Variants in NRAP observed in about 807,000 individuals in gnomAD.
NRAP encodes nebulin related anchoring protein.
Under a neutral mutation model 225.9 loss-of-function variants are expected in NRAP, and 189 were observed. The observed-to-expected ratio is 0.84, with a 90% CI of 0.74 to 0.94. NRAP has a LOEUF of 0.94. NRAP is among the 40% of genes least tolerant of loss of function. The pLI is 0.00. For synonymous variants in NRAP, 769 were observed against 790.7 expected, an observed-to-expected ratio of 0.97 and a Z score of 0.46; for missense variants, 2,176 against 2,168.7, an observed-to-expected ratio of 1.00 and a Z score of -0.07.
chr10:113,662,737 C>G lies in NRAP; in HGVS notation c.197G>C (p.Ser66Thr). The G allele has an allele frequency of 6.2e-7, 1 of 1,600,080 alleles. No individual in the cohort carries two copies. The highest frequency in any genetic ancestry group is 8.6e-7 in the Non-Finnish European group (1 of 1,167,736). Residue 66 changes from serine (S) to threonine (T), a missense_variant, in exon 3 of 42, where the codon AGT becomes ACT. This residue lies in a region of NRAP where 1,708 missense variants were observed against 1,695.5 expected (regional missense o/e 1.01). Coordinates refer to ENST00000359988, the MANE Select transcript of NRAP (RefSeq NM_198060.4). Reference protein sequence around the residue: ...AHNPKNNTFTSVYHTPLNLNV... With the variant: ...AHNPKNNTFTTVYHTPLNLNV... ...TAGATTTAATGGAGTGTGATAGACA[C>G]TGGTGAAAGTGTTGTTCTTAGGGTT... is the stretch of plus-strand genomic sequence containing the variant.
intron 11 of NRAP, among the ~76,000 whole-genome samples, chr10:113,643,573 C>T (rs1849332814): frequency 6.6e-6 from 1 of 152,202 alleles, no homozygotes; most frequent in South Asian, 2.1e-4. Context: ...TGAGACCACT[C>T]AGATGCAGAG....
chr10:113,591,603 C>T (rs151245115), intron 39 of NRAP, among the ~76,000 whole-genome samples: 8 of 152,350 alleles, frequency 5.3e-5, no homozygotes, highest in African/African-American at 1.4e-4. Context: ...GGTGCGCCTC[C>T]GTCTAGCACT....
chr10:113,590,717 T>C lies in NRAP; in HGVS notation c.4817A>G (p.Gln1606Arg), dbSNP rs747142470. 5.0e-6 allele frequency: 8 copies of C among 1,614,240 alleles called. No individual in the cohort carries two copies. Among genetic ancestry groups the C allele is most frequent in the Non-Finnish European group, 6.8e-6 (8 of 1,180,040 alleles). ...CCTCTTGGCCTGAAGGAGGCCGGGC[T>C]GGTCTGTGCTGCTGTGAAACTGGGA... ...SRSQFHSSTD[Q>R]PGLLQAKRSQ... The change falls in exon 40 of 42, where the codon CAG (glutamine) becomes CGG (arginine). Residue 1606 changes from glutamine (Q) to arginine (R), a missense_variant. Physicochemically the swap from Gln to Arg is conservative, Grantham distance 43 (BLOSUM62 1). This residue lies in a region of NRAP where 445 missense variants were observed against 426.1 expected (regional missense o/e 1.04). Transcript: ENST00000359988.
intron 4 of NRAP, among the ~76,000 whole-genome samples, chr10:113,656,464 C>G (rs537416158): frequency 6.6e-5 from 10 of 152,074 alleles, no homozygotes; most frequent in Admixed American, 2.6e-4. Context: ...CTGAGGCTGT[C>G]GTGGGTGTGT....
intron 20 of NRAP, 44 bp from the exon 21 acceptor site, chr10:113,626,189 G>A: frequency 1.5e-6 from 2 of 1,369,870 alleles, no homozygotes; most frequent in Non-Finnish European, 2.0e-6. Flanking sequence ...GGATTGGGTT[G>A]CCCCTACCAC....
intron 35 of NRAP, among the ~76,000 whole-genome samples, chr10:113,601,818 A>G (rs1456254693): frequency 6.6e-6 from 1 of 151,714 alleles, no homozygotes; most frequent in Non-Finnish European, 1.5e-5. Flanking sequence ...TTTAAAAGCC[A>G]TTTTCCCAAG....
chr10:113,595,763 T>C (rs1459842646), intron 37 of NRAP, 36 bp from the exon 38 acceptor site: 2 of 1,421,298 alleles, frequency 1.4e-6, no homozygotes, highest in Middle Eastern at 1.8e-4. Flanking sequence ...AATAGAGAAC[T>C]GTGTGGGCTG....
At chr10:113,605,003 G>C in intron 34 of NRAP, 83 bp from the exon 35 acceptor site, 4 of 1,477,764 alleles carry the variant, frequency 2.7e-6, no homozygotes, top group Non-Finnish European at 3.7e-6. Flanking sequence ...CTTACACTAG[G>C]AGGTGATGAT....
At chr10:113,631,816 C>A (rs1266537392) in intron 17 of NRAP, 41 bp downstream of exon 17, 4 of 1,263,436 alleles carry the variant, frequency 3.2e-6, no homozygotes, top group South Asian at 1.2e-5. Flanking sequence ...TTTATTGGAA[C>A]CATTTCTTAT....
intron 31 of NRAP, 54 bp downstream of exon 31, chr10:113,610,405 T>C: frequency 1.2e-6 from 1 of 844,494 alleles, no homozygotes; most frequent in African/African-American, 1.7e-5. Flanking sequence ...AACAAACTGA[T>C]TATCCTCTGC....
intron 35 of NRAP, among the ~76,000 whole-genome samples, chr10:113,604,170 G>A (rs1293692857): frequency 6.6e-6 from 1 of 152,156 alleles, no homozygotes; most frequent in Non-Finnish European, 1.5e-5. Flanking sequence ...AGGCTGGAGT[G>A]CAGTGGCGCG....
At chr10:113,646,099 A>G (rs1052902365) in intron 10 of NRAP, among the ~76,000 whole-genome samples, 158 bp from the exon 11 acceptor site, 48 of 152,310 alleles carry the variant, frequency 3.2e-4, no homozygotes, top group Non-Finnish European at 3.5e-4. Flanking sequence ...CATTAAATCT[A>G]TAAACTACTT....
chr10:113,604,600 C>T lies in NRAP; in HGVS notation c.4227+9G>A, dbSNP rs1846818500. On this transcript the variant is annotated intron_variant, in intron 35 of 41. Transcript: ENST00000359988. ...GGGGCTGGTTTGCATTCCACAAGGC[C>T]ACCCCTACCTCACTCTGCAGGGCAT... 1 of 1,606,816 alleles carries T rather than the reference C, an allele frequency of 6.2e-7. No homozygotes were observed. Among genetic ancestry groups the T allele is most frequent in the Non-Finnish European group, 8.5e-7 (1 of 1,174,324 alleles).
intron 38 of NRAP, among the ~76,000 whole-genome samples, chr10:113,594,550 G>C (rs1846177817): frequency 6.6e-6 from 1 of 152,218 alleles, no homozygotes. Flanking sequence ...GCATTAATGA[G>C]ATAGATGTTT....
At chr10:113,606,725 G>A (rs756234821) in intron 32 of NRAP, among the ~76,000 whole-genome samples, 1 of 152,116 alleles carries the variant, frequency 6.6e-6, no homozygotes, top group Admixed American at 6.6e-5. Flanking sequence ...CACCAATGCT[G>A]CCCTGGATGG....
intron 3 of NRAP, among the ~76,000 whole-genome samples, chr10:113,658,400 A>G (rs1850444102): frequency 6.6e-6 from 1 of 152,234 alleles, no homozygotes; most frequent in Admixed American, 6.5e-5. Context: ...AGGATTTTGA[A>G]TGGCACTGCC....
chr10:113,615,548 T>A (rs1170001411), intron 27 of NRAP, among the ~76,000 whole-genome samples, 164 bp downstream of exon 27: 1 of 152,174 alleles, frequency 6.6e-6, no homozygotes, highest in African/African-American at 2.4e-5. Flanking sequence ...CTAGTGCAGA[T>A]GAAAATGTGG....
rs148029286 is a variant in NRAP, at chr10:113,634,545, C to G, written c.1429-335G>C. ...ACCTGAAGAGCCGAAGTTAAAACTGCTGGTAACACAAAGTGTTGGCAAAGG... is the reference window on the plus strand; with the variant it reads ...ACCTGAAGAGCCGAAGTTAAAACTGGTGGTAACACAAAGTGTTGGCAAAGG... On this transcript the variant is annotated intron_variant, in intron 14 of 41. Coordinates refer to ENST00000359988, the MANE Select transcript of NRAP (RefSeq NM_198060.4). Among the ~76,000 whole-genome samples the G allele has an allele frequency of 2.0e-4, 30 of 152,318 alleles. No homozygotes were observed. In the East Asian group the frequency reaches 5.2e-3, roughly 26 times the overall value.
intron 11 of NRAP, among the ~76,000 whole-genome samples, chr10:113,644,025 G>A (rs1263406228): frequency 6.6e-6 from 1 of 151,738 alleles, no homozygotes; most frequent in Admixed American, 6.6e-5. Flanking sequence ...GTGGGCGCCT[G>A]TAATCCCAGC....
Sources: gnomAD v4.1 joint callset for allele counts (sites outside exome capture counted in the v4.1 genomes callset) on GRCh38, gnomAD v4.1.1 for gene constraint, gnomAD v4.1.1 regional missense constraint, MANE v1.5 for transcripts, NCBI Gene and HGNC (gene_info 2026-07-23, HGNC 2026-07-21) for gene names.